The following SHC4 variants were observed in gnomAD, a reference collection of about 807,000 sequenced individuals.
SHC4 encodes the protein SHC adaptor protein 4.
A neutral mutation model predicts 69.4 loss-of-function variants in SHC4; 41 were observed. The ratio of observed to expected loss-of-function variants is 0.59; its 90% CI spans 0.46 to 0.77. The LOEUF is 0.77. Ranked by LOEUF, SHC4 falls within the 30% of genes least tolerant of loss-of-function variation. The pLI is 0.00. For synonymous variants in SHC4, 318 were observed against 299.3 expected (o/e 1.06, Z -0.64); for missense variants, 777 against 783.8 (o/e 0.99, Z 0.10).
intron 4 of SHC4, chr15:48,878,109 AC>A (rs1344512804): frequency 6.6e-7 from 1 of 1,504,006 alleles, no homozygotes; most frequent in African/African-American, 1.4e-5. Flanking sequence ...GCGCACGCGC[AC>A]GAACGCACGG....
intron 4 of SHC4, among the ~76,000 whole-genome samples, chr15:48,875,902 T>C (rs1451689288): frequency 6.6e-6 from 1 of 152,192 alleles, no homozygotes; most frequent in Admixed American, 6.5e-5. Flanking sequence ...GTGATTAAAA[T>C]TATCAACCAT....
chr15:48,959,752 T>C (rs554767645), intron 1 of SHC4, among the ~76,000 whole-genome samples: 1 of 152,370 alleles, frequency 6.6e-6, no homozygotes, highest in African/African-American at 2.4e-5. Flanking sequence ...ATTTTTACTG[T>C]AAATTAATAG....
chr15:48,945,794 G>A (rs1901266701), intron 1 of SHC4, among the ~76,000 whole-genome samples: 2 of 152,086 alleles, frequency 1.3e-5, no homozygotes, highest in Admixed American at 6.6e-5. Context: ...AATGGTGATG[G>A]TTGCACAATT....
chr15:48,912,034 T>C (rs2141017294), intron 2 of SHC4, among the ~76,000 whole-genome samples: 1 of 152,348 alleles, frequency 6.6e-6, no homozygotes, highest in African/African-American at 2.4e-5. Context: ...TAAGATTCTT[T>C]CCTTCGTCTT....
chr15:48,845,705 T>G (rs1415089945), intron 9 of SHC4, among the ~76,000 whole-genome samples: 3 of 151,686 alleles, frequency 2.0e-5, no homozygotes, highest in Non-Finnish European at 4.4e-5. Context: ...AAGTGTAGAT[T>G]TACATCTATT....
At chr15:48,899,241 C>T (rs1002313642) in intron 2 of SHC4, among the ~76,000 whole-genome samples, 3 of 152,054 alleles carry the variant, frequency 2.0e-5, no homozygotes, top group Admixed American at 6.6e-5. Context: ...CCAAGGTAGG[C>T]GGATCACTTG....
intron 1 of SHC4, among the ~76,000 whole-genome samples, chr15:48,945,276 C>T (rs1901254234): frequency 6.6e-6 from 1 of 152,056 alleles, no homozygotes; most frequent in East Asian, 1.9e-4. Flanking sequence ...GGGCAACCAA[C>T]CATTGCATTC....
At chr15:48,936,783 A>T (rs1008715284) in intron 1 of SHC4, among the ~76,000 whole-genome samples, 22 of 152,224 alleles carry the variant, frequency 1.4e-4, no homozygotes, top group African/African-American at 5.1e-4. Flanking sequence ...CTCTGAAAAA[A>T]GTACTGGTCA....
chr15:48,893,213 C>T (rs1049150025), intron 2 of SHC4, among the ~76,000 whole-genome samples: 3 of 152,072 alleles, frequency 2.0e-5, no homozygotes, highest in African/African-American at 7.2e-5. Flanking sequence ...ATTGGAAATT[C>T]TAGACAGACA....
chr15:48,892,648 T>C (rs539874201), intron 2 of SHC4, among the ~76,000 whole-genome samples: 1 of 152,226 alleles, frequency 6.6e-6, no homozygotes, highest in South Asian at 2.1e-4. Flanking sequence ...AGAGGTATTA[T>C]AAGATAGGGC....
chr15:48,896,886 T>C (rs1900232568), intron 2 of SHC4, among the ~76,000 whole-genome samples: 1 of 152,224 alleles, frequency 6.6e-6, no homozygotes, highest in East Asian at 1.9e-4. Context: ...AGACATTAAC[T>C]GTAACATTTT....
intron 3 of SHC4, among the ~76,000 whole-genome samples, chr15:48,889,758 G>A (rs1174078133): frequency 6.6e-6 from 1 of 152,090 alleles, no homozygotes; most frequent in Non-Finnish European, 1.5e-5. Context: ...GCAGGAGAAT[G>A]GCTTGAATCC....
At chr15:48,836,559 T>A (rs748367385) in intron 10 of SHC4, among the ~76,000 whole-genome samples, 5 of 147,742 alleles carry the variant, frequency 3.4e-5, no homozygotes. Context: ...TTTTTTTTTG[T>A]TTTTTTTTAA....
intron 9 of SHC4, among the ~76,000 whole-genome samples, chr15:48,845,104 C>T (rs985995210): frequency 3.3e-5 from 5 of 152,198 alleles, no homozygotes; most frequent in Admixed American, 2.6e-4. Flanking sequence ...TAAGGCTGCA[C>T]CTGAACTAGT....
At chr15:48,906,357 T>A (rs1900405362) in intron 2 of SHC4, among the ~76,000 whole-genome samples, 1 of 152,210 alleles carries the variant, frequency 6.6e-6, no homozygotes, top group Non-Finnish European at 1.5e-5. Flanking sequence ...TGTCTTCTTT[T>A]CCTTTTGAGG....
In SHC4 at chr15:48,867,822, T is replaced by G; in HGVS notation, c.942A>C (p.Gln314His). 1.2e-6 allele frequency: 2 copies of G among 1,613,614 alleles called. No homozygotes were observed. The highest frequency in any genetic ancestry group is 1.7e-6 in the Non-Finnish European group (2 of 1,179,692). ...TCTGTAAGTTGCTTTCCATACCTCGTTGATTAACTGGATCTTTAGCTACGT... is the reference window on the plus strand; with the variant it reads ...TCTGTAAGTTGCTTTCCATACCTCGGTGATTAACTGGATCTTTAGCTACGT... ...VAYVAKDPVNQRACHILECHN... is the reference protein window; with the variant it reads ...VAYVAKDPVNHRACHILECHN... The change falls in exon 6 of 12, where the codon CAA (glutamine) becomes CAC (histidine). Residue 314 changes from glutamine to histidine, a missense_variant. Gln to His is a conservative substitution (Grantham distance 24, BLOSUM62 0). Coordinates refer to ENST00000332408, the MANE Select transcript of SHC4 (RefSeq NM_203349.4).
intron 4 of SHC4, chr15:48,878,001 G>C (rs1899848972): frequency 5.8e-6 from 4 of 690,922 alleles, no homozygotes; most frequent in African/African-American, 3.6e-5. Context: ...ACACCCCGGA[G>C]AAAACACTGA....
intron 4 of SHC4, among the ~76,000 whole-genome samples, chr15:48,883,581 A>C (rs1277465978): frequency 6.6e-6 from 1 of 152,210 alleles, no homozygotes; most frequent in Non-Finnish European, 1.5e-5. Flanking sequence ...TTAGTTTAAA[A>C]AATTAAAAGC....
chr15:48,875,976 A>G (rs1163176903), intron 4 of SHC4, among the ~76,000 whole-genome samples: 1 of 152,256 alleles, frequency 6.6e-6, no homozygotes, highest in Non-Finnish European at 1.5e-5. Flanking sequence ...TGCAGAGCAC[A>G]CACGTCTTCT....
Sources: gnomAD v4.1 joint callset for allele counts (sites outside exome capture counted in the v4.1 genomes callset) on GRCh38, gnomAD v4.1.1 for gene constraint, MANE v1.5 for transcripts, NCBI Gene and HGNC (gene_info 2026-07-23, HGNC 2026-07-21) for gene names.